The following ANTXR1 variants were observed in gnomAD, a reference collection of about 807,000 sequenced individuals.
ANTXR1 encodes the protein anthrax toxin receptor 1.
Under a neutral mutation model 78.1 loss-of-function variants are expected in ANTXR1, and 19 were observed. The ratio of observed to expected loss-of-function variants is 0.24; its 90% CI spans 0.17 to 0.36. ANTXR1 has a LOEUF of 0.36. Ranked by LOEUF, ANTXR1 falls within the 10% of genes least tolerant of loss-of-function variation. The pLI is 1.00. For missense variants in ANTXR1, 518 were observed against 718.6 expected, an observed-to-expected ratio of 0.72 and a Z score of 3.19; for synonymous variants, 273 against 260.5, an observed-to-expected ratio of 1.05 and a Z score of -0.46.
chr2:69,243,019 C>T (rs372168831), intron 17 of ANTXR1, among the ~76,000 whole-genome samples: 1 of 152,166 alleles, frequency 6.6e-6, no homozygotes, highest in East Asian at 1.9e-4. Context: ...CACAGCCTCC[C>T]CGGCTTAGCA....
intron 13 of ANTXR1, 78 bp from the exon 14 acceptor site, chr2:69,170,170 G>T: frequency 6.6e-7 from 1 of 1,521,734 alleles, no homozygotes; most frequent in Non-Finnish European, 9.1e-7. Context: ...CACCACCACG[G>T]TACCTCCTGA....
chr2:69,036,080 A>C (rs1669406896), intron 1 of ANTXR1, among the ~76,000 whole-genome samples: 1 of 152,238 alleles, frequency 6.6e-6, no homozygotes, highest in Admixed American at 6.5e-5. Flanking sequence ...CTCCTTGAGA[A>C]TGAGGAAATA....
chr2:69,073,130 A>G, intron 6 of ANTXR1, 29 bp downstream of exon 6: 1 of 1,606,758 alleles, frequency 6.2e-7, no homozygotes, highest in East Asian at 2.2e-5. Context: ...GTGTCTAAAC[A>G]TATACATGGA....
intron 12 of ANTXR1, among the ~76,000 whole-genome samples, chr2:69,141,120 C>T (rs1673056406): frequency 6.6e-6 from 1 of 152,190 alleles, no homozygotes; most frequent in African/African-American, 2.4e-5. Flanking sequence ...AATCTGGGAC[C>T]ACCCACTAAC....
At chr2:69,108,532 A>T (rs1462651274) in intron 10 of ANTXR1, among the ~76,000 whole-genome samples, 1 of 152,202 alleles carries the variant, frequency 6.6e-6, no homozygotes, top group Non-Finnish European at 1.5e-5. Context: ...AACTTGTGTC[A>T]TGGGGATTTG....
At chr2:69,139,381 G>A (rs1673007252) in intron 12 of ANTXR1, among the ~76,000 whole-genome samples, 1 of 152,198 alleles carries the variant, frequency 6.6e-6, no homozygotes, top group Non-Finnish European at 1.5e-5. Flanking sequence ...GGCTCTCCAG[G>A]CAAGCCCTGA....
At chr2:69,115,652 G>T (rs13397348) in intron 10 of ANTXR1, among the ~76,000 whole-genome samples, 2 of 152,066 alleles carry the variant, frequency 1.3e-5, no homozygotes, top group Admixed American at 1.3e-4. Flanking sequence ...GAACAGAATG[G>T]GAAATCAAAA....
intron 10 of ANTXR1, among the ~76,000 whole-genome samples, chr2:69,115,284 A>G (rs1294590726): frequency 6.6e-6 from 1 of 152,216 alleles, no homozygotes; most frequent in Non-Finnish European, 1.5e-5. Context: ...TATCACACCA[A>G]TATTGTAAAG....
At chr2:69,016,830 C>T (rs1671040402) in intron 1 of ANTXR1, among the ~76,000 whole-genome samples, 2 of 152,192 alleles carry the variant, frequency 1.3e-5, no homozygotes, top group African/African-American at 4.8e-5. Context: ...TTTTGAAAAT[C>T]ATGTCAAGTG....
intron 4 of ANTXR1, among the ~76,000 whole-genome samples, chr2:69,071,045 G>C (rs1160694813): frequency 6.6e-6 from 1 of 152,178 alleles, no homozygotes; most frequent in African/African-American, 2.4e-5. Context: ...CAGTGATTGA[G>C]GCAGAATTTC....
intron 17 of ANTXR1, among the ~76,000 whole-genome samples, chr2:69,234,925 T>G (rs2104525164): frequency 6.6e-6 from 1 of 151,614 alleles, no homozygotes; most frequent in South Asian, 2.1e-4. Context: ...CCTAGTAGTT[T>G]GGCTCTTTAG....
intron 3 of ANTXR1, among the ~76,000 whole-genome samples, chr2:69,061,595 A>G (rs1351566716): frequency 6.6e-6 from 1 of 152,126 alleles, no homozygotes; most frequent in Non-Finnish European, 1.5e-5. Context: ...CATTCATTTG[A>G]TATGGACAGA....
intron 3 of ANTXR1, among the ~76,000 whole-genome samples, chr2:69,053,809 T>G (rs990104678): frequency 1.3e-5 from 2 of 152,176 alleles, no homozygotes; most frequent in African/African-American, 2.4e-5. Flanking sequence ...ACAGAATTCT[T>G]TGCTCAAATT....
At chr2:69,219,048 A>G (rs1408292136) in intron 17 of ANTXR1, among the ~76,000 whole-genome samples, 1 of 152,186 alleles carries the variant, frequency 6.6e-6, no homozygotes, top group Admixed American at 6.5e-5. Flanking sequence ...TTATTATTTC[A>G]TGGACTTAAT....
chr2:69,206,177 C>T (rs1674897037), intron 17 of ANTXR1, among the ~76,000 whole-genome samples: 1 of 152,204 alleles, frequency 6.6e-6, no homozygotes. Context: ...GGTTGCTTCA[C>T]TGAATGGTGT....
chr2:69,039,443 C>A (rs902858623), intron 1 of ANTXR1, among the ~76,000 whole-genome samples: 1 of 151,744 alleles, frequency 6.6e-6, no homozygotes, highest in Non-Finnish European at 1.5e-5. Flanking sequence ...CGTTTTTCTT[C>A]TTTTGTTTAT....
intron 17 of ANTXR1, among the ~76,000 whole-genome samples, chr2:69,204,929 T>A (rs574997038): frequency 2.6e-5 from 4 of 152,284 alleles, no homozygotes; most frequent in Admixed American, 2.6e-4. Context: ...CCTCCCACTT[T>A]ACCACCAACA....
intron 1 of ANTXR1, among the ~76,000 whole-genome samples, chr2:69,028,973 T>C (rs1450112166): frequency 6.6e-6 from 1 of 152,030 alleles, no homozygotes; most frequent in African/African-American, 2.4e-5. Flanking sequence ...TCCCAGCACT[T>C]TGGAAGGCCA....
chr2:69,090,882 A>T lies in ANTXR1; in HGVS notation c.666A>T (p.Glu222Asp). Residue 222 changes from glutamate (E) to aspartate (D), a missense_variant, in exon 9 of 18, where the codon GAA (glutamate) becomes GAT (aspartate). Glu to Asp is a conservative substitution (Grantham distance 45, BLOSUM62 2). Transcript: ENST00000303714. ...AGATTTTGAAGAAGTCCTGCATCGAAATTCTAGCAGCTGAACCATCCACCA... is the reference window on the plus strand; with the variant it reads ...AGATTTTGAAGAAGTCCTGCATCGATATTCTAGCAGCTGAACCATCCACCA... Reference protein sequence around the residue: ...IHSILKKSCIEILAAEPSTIC... With the variant: ...IHSILKKSCIDILAAEPSTIC... 1 of 1,613,272 alleles carries T rather than the reference A, an allele frequency of 6.2e-7. No individual in the cohort carries two copies. Among genetic ancestry groups the T allele is most frequent in the South Asian group, 1.1e-5 (1 of 91,076 alleles).
Sources: gnomAD v4.1 joint callset for allele counts (sites outside exome capture counted in the v4.1 genomes callset) on GRCh38, gnomAD v4.1.1 for gene constraint, MANE v1.5 for transcripts, NCBI Gene and HGNC (gene_info 2026-07-23, HGNC 2026-07-21) for gene names.